The following VRK2 variants were observed in gnomAD, a reference collection of about 807,000 sequenced individuals.
The protein encoded by VRK2 is serine/threonine-protein kinase VRK2.
A neutral mutation model predicts 57.6 loss-of-function variants in VRK2; 60 were observed. That is an observed-to-expected ratio of 1.04 (90% CI 0.85 to 1.29). The LOEUF (loss-of-function observed/expected upper bound fraction) is 1.29. VRK2 is among the 50% of genes most tolerant of loss of function. The pLI is 0.00. For synonymous variants in VRK2, 231 were observed against 199.2 expected, an observed-to-expected ratio of 1.16 and a Z score of -1.35; for missense variants, 705 against 588.1, an observed-to-expected ratio of 1.20 and a Z score of -2.06.
In VRK2 at chr2:58,104,382, A is replaced by G. The variant is rs182958660; in HGVS notation, c.543+14659A>G. Among the ~76,000 whole-genome samples, 501 of 152,052 alleles carry G rather than the reference A, an allele frequency of 3.3e-3. 5 individuals carry two copies. The highest frequency in any genetic ancestry group is 0.011 in the African/African-American group (460 of 41,556). ...AGCAAAGTTTGAGGATATAAAATCA[A>G]TGTATAAAAATCAGTAGTATTTCTA... On this transcript the variant is annotated intron_variant, in intron 7 of 12. Transcript: ENST00000340157.
chr2:58,132,616 A>G (rs1679382951), intron 9 of VRK2, among the ~76,000 whole-genome samples: 1 of 152,212 alleles, frequency 6.6e-6, no homozygotes, highest in Non-Finnish European at 1.5e-5. Context: ...TTCATTATAT[A>G]CCAAGATATG....
chr2:58,003,181 T>C (rs1394744059), intron 1 of VRK2, among the ~76,000 whole-genome samples: 1 of 152,186 alleles, frequency 6.6e-6, no homozygotes, highest in East Asian at 1.9e-4. Flanking sequence ...CTGTAACAGA[T>C]ATTTTGTACT....
chr2:58,046,648 A>C, upstream of VRK2: 6 of 985,596 alleles, frequency 6.1e-6, no homozygotes, highest in Non-Finnish European at 7.2e-6. Flanking sequence ...GGGCGTGGAC[A>C]GGCCGCTGAA....
intron 2 of VRK2, among the ~76,000 whole-genome samples, chr2:58,031,336 G>A (rs928446649): frequency 6.6e-6 from 1 of 151,982 alleles, no homozygotes; most frequent in Non-Finnish European, 1.5e-5. Context: ...CAGAAGAAGA[G>A]AGGCTTTGTT....
intron 11 of VRK2, among the ~76,000 whole-genome samples, chr2:58,143,927 C>T (rs1681712863): frequency 6.6e-6 from 1 of 151,214 alleles, no homozygotes; most frequent in Non-Finnish European, 1.5e-5. Flanking sequence ...GTATTTTATT[C>T]ATATATATTG....
intron 1 of VRK2, among the ~76,000 whole-genome samples, chr2:58,010,630 A>G (rs1673391166): frequency 6.6e-6 from 1 of 152,064 alleles, no homozygotes; most frequent in African/African-American, 2.4e-5. Context: ...GGAGTTTCCT[A>G]TCTCCTACCT....
chr2:57,948,767 C>G (rs1351223313), intron 1 of VRK2, among the ~76,000 whole-genome samples: 2 of 151,740 alleles, frequency 1.3e-5, no homozygotes, highest in Non-Finnish European at 2.9e-5. Context: ...GTTGAGCACC[C>G]CAAAAATAGC....
intron 1 of VRK2, among the ~76,000 whole-genome samples, chr2:57,996,263 A>G (rs1672919964): frequency 6.6e-6 from 1 of 152,226 alleles, no homozygotes; most frequent in African/African-American, 2.4e-5. Flanking sequence ...CCTTAGTGTT[A>G]TTATAAAAAT....
chr2:57,951,725 GA>G (rs1442125821), intron 1 of VRK2, among the ~76,000 whole-genome samples: 1 of 152,106 alleles, frequency 6.6e-6, no homozygotes, highest in Non-Finnish European at 1.5e-5. Flanking sequence ...TGAAGGCTCA[GA>G]TGATTGTTAG....
chr2:58,125,529 A>G (rs1453584455), intron 8 of VRK2, among the ~76,000 whole-genome samples: 1 of 152,086 alleles, frequency 6.6e-6, no homozygotes, highest in Non-Finnish European at 1.5e-5. Context: ...TGGGGGAGGT[A>G]TATTCAGGGA....
chr2:58,002,226 A>C (rs1015090851), intron 1 of VRK2, among the ~76,000 whole-genome samples: 1 of 152,222 alleles, frequency 6.6e-6, no homozygotes, highest in Non-Finnish European at 1.5e-5. Flanking sequence ...CACGCCTGTA[A>C]TCCCAGCACT....
chr2:58,046,701 A>G, upstream of VRK2: 1 of 985,566 alleles, frequency 1.0e-6, no homozygotes, highest in Middle Eastern at 5.2e-4. Flanking sequence ...GGGCCGCTGC[A>G]CTGCGAGGCC....
At chr2:57,963,630 A>T (rs1381052570) in intron 1 of VRK2, among the ~76,000 whole-genome samples, 1 of 152,212 alleles carries the variant, frequency 6.6e-6, no homozygotes, top group African/African-American at 2.4e-5. Context: ...TCTGAACATC[A>T]TCTGAATTTC....
chr2:57,958,314 C>A (rs1341956189), intron 1 of VRK2, among the ~76,000 whole-genome samples: 2 of 151,826 alleles, frequency 1.3e-5, no homozygotes, highest in Non-Finnish European at 2.9e-5. Flanking sequence ...AAAAAGAAAT[C>A]AAATGTCTAC....
upstream of VRK2, chr2:58,046,517 T>G: frequency 1.0e-6 from 1 of 985,526 alleles, no homozygotes; most frequent in South Asian, 4.7e-5. Context: ...TCGTGCTTAT[T>G]TCGTACCAAA....
chr2:58,128,620 C>T (rs1336856307), intron 8 of VRK2, among the ~76,000 whole-genome samples: 1 of 152,194 alleles, frequency 6.6e-6, no homozygotes, highest in African/African-American at 2.4e-5. Context: ...GTATGAGCCA[C>T]CGCGCCTGGC....
intron 7 of VRK2, among the ~76,000 whole-genome samples, chr2:58,090,227 C>T (rs1202077942): frequency 1.3e-5 from 2 of 151,972 alleles, no homozygotes; most frequent in African/African-American, 4.8e-5. Context: ...GAAACCCTGT[C>T]TCTACTAAAA....
At chr2:58,001,951 C>T (rs17049290) in intron 1 of VRK2, among the ~76,000 whole-genome samples, 1 of 151,864 alleles carries the variant, frequency 6.6e-6, no homozygotes, top group Non-Finnish European at 1.5e-5. Context: ...ATATTCATAC[C>T]TTTGTGTGAC....
At chr2:58,151,573 C>G (rs947648226) in intron 12 of VRK2, among the ~76,000 whole-genome samples, 2 of 151,284 alleles carry the variant, frequency 1.3e-5, no homozygotes, top group African/African-American at 4.8e-5. Flanking sequence ...TATATTTGCT[C>G]CATTTCCATT....
Sources: gnomAD v4.1 joint callset for allele counts (sites outside exome capture counted in the v4.1 genomes callset) on GRCh38, gnomAD v4.1.1 for gene constraint, MANE v1.5 for transcripts, NCBI Gene and HGNC (gene_info 2026-07-23, HGNC 2026-07-21) for gene names.